The following CAPZB variants were observed in gnomAD, a reference collection of about 807,000 sequenced individuals.
CAPZB encodes the protein F-actin-capping protein subunit beta.
Under a neutral mutation model 38.1 loss-of-function variants are expected in CAPZB, and 2 were observed. That is an observed-to-expected ratio of 0.05 (90% CI 0.02 to 0.17). The LOEUF is 0.17. CAPZB is among the 10% of genes least tolerant of loss of function. The pLI, the probability that CAPZB is intolerant of heterozygous loss-of-function variation, is 1.00. For synonymous variants in CAPZB, 107 were observed against 127.4 expected, an observed-to-expected ratio of 0.84 and a Z score of 1.08; for missense variants, 161 against 334.2, an observed-to-expected ratio of 0.48 and a Z score of 4.04.
intron 1 of CAPZB, among the ~76,000 whole-genome samples, chr1:19,421,687 TAG>T (rs1161580584): frequency 6.6e-6 from 1 of 152,244 alleles, no homozygotes; most frequent in African/African-American, 2.4e-5. Context: ...GATTCGACTC[TAG>T]AGAGACATAT....
At chr1:19,386,495 C>T (rs908179863) in intron 2 of CAPZB, among the ~76,000 whole-genome samples, 4 of 152,210 alleles carry the variant, frequency 2.6e-5, no homozygotes, top group South Asian at 2.1e-4. Flanking sequence ...TCCACCATAT[C>T]GTTTACCAGG....
At chr1:19,405,109 G>C (rs992238161) in intron 2 of CAPZB, among the ~76,000 whole-genome samples, 4 of 152,202 alleles carry the variant, frequency 2.6e-5, no homozygotes, top group African/African-American at 9.6e-5. Flanking sequence ...TCAGCTCCAA[G>C]AGGCATCCGT....
intron 4 of CAPZB, among the ~76,000 whole-genome samples, chr1:19,374,016 T>C (rs534400944): frequency 6.3e-4 from 96 of 152,270 alleles, no homozygotes; most frequent in African/African-American, 2.2e-3. Flanking sequence ...AATGGGTTAA[T>C]GGGTGGGGGG....
chr1:19,459,022 GTT>G (rs2094542092), intron 1 of CAPZB, among the ~76,000 whole-genome samples: 2 of 152,230 alleles, frequency 1.3e-5, no homozygotes, highest in African/African-American at 4.8e-5. Context: ...GCAGGAGACC[GTT>G]GGCAGGAAGG....
chr1:19,410,508 A>G (rs1419598379), intron 2 of CAPZB, among the ~76,000 whole-genome samples: 3 of 152,214 alleles, frequency 2.0e-5, no homozygotes, highest in Non-Finnish European at 2.9e-5. Flanking sequence ...GGGGGGCTGC[A>G]ATAGGAAGCT....
chr1:19,439,196 A>G (rs2094467856), intron 1 of CAPZB, among the ~76,000 whole-genome samples: 1 of 152,118 alleles, frequency 6.6e-6, no homozygotes, highest in Non-Finnish European at 1.5e-5. Context: ...GTTATCCCCA[A>G]AACTCCCATC....
intron 3 of CAPZB, 28 bp downstream of exon 3, chr1:19,385,477 C>A: frequency 6.2e-7 from 1 of 1,611,516 alleles, no homozygotes; most frequent in Non-Finnish European, 8.5e-7. Context: ...CCTGCTGTGC[C>A]TGCTGCATCC....
chr1:19,343,558 G>A (rs1558167542), intron 8 of CAPZB, among the ~76,000 whole-genome samples: 1 of 152,232 alleles, frequency 6.6e-6, no homozygotes, highest in African/African-American at 2.4e-5. Flanking sequence ...TGCGAGGAGT[G>A]CCAGAGGCCA....
At position 19,481,364 on chromosome 1, in the gene CAPZB, T is replaced by C. The variant is rs1272510461; in HGVS notation, c.3+4072A>G. 3.3e-5 allele frequency among the ~76,000 whole-genome samples: 5 copies of C among 152,224 alleles called. No homozygotes were observed. In the South Asian group the frequency reaches 6.2e-4, roughly 19 times the overall value. ...CTGGTGGATCTGCTGCAAGGGGAAA[T>C]GGGACAAGATCCTGTATTTACGGGG... On this transcript the variant is annotated intron_variant, in intron 1 of 8. Coordinates refer to ENST00000264202, the MANE Select transcript of CAPZB (RefSeq NM_004930.5).
chr1:19,429,114 A>G (rs2094433870), intron 1 of CAPZB, among the ~76,000 whole-genome samples: 2 of 152,202 alleles, frequency 1.3e-5, no homozygotes. Flanking sequence ...TCATTAGCCT[A>G]AGGACAGTGT....
intron 1 of CAPZB, among the ~76,000 whole-genome samples, chr1:19,444,322 C>T (rs1304327783): frequency 6.6e-6 from 1 of 152,200 alleles, no homozygotes; most frequent in East Asian, 1.9e-4. Context: ...ACCCCCCAGC[C>T]CTGAGGTCTC....
At chr1:19,400,257 T>C (rs1439824155) in intron 2 of CAPZB, among the ~76,000 whole-genome samples, 1 of 152,042 alleles carries the variant, frequency 6.6e-6, no homozygotes, top group Non-Finnish European at 1.5e-5. Context: ...TTCATGAATC[T>C]GGCATGTGGT....
chr1:19,447,872 T>C (rs979890349), intron 1 of CAPZB, among the ~76,000 whole-genome samples: 15 of 152,216 alleles, frequency 9.9e-5, no homozygotes, highest in African/African-American at 3.6e-4. Flanking sequence ...CTAACAGTAG[T>C]GAAAGCGTAG....
Position 19,356,816 on chromosome 1 carries a change from G to T in CAPZB, c.472-65C>A. The T allele has an allele frequency of 9.8e-7, 1 of 1,016,982 alleles. No homozygotes were observed. The highest frequency in any genetic ancestry group is 1.9e-5 in the Admixed American group (1 of 53,914). The allele number at this position is 1,016,982 out of a possible 1,614,324, so 63.0% of individuals were successfully genotyped here. ...GCCTGAAGTGGCCCCTGGAATTCAG[G>T]GTCATCCTAACATCTCCCTTCCTAG... On this transcript the variant is annotated intron_variant, in intron 5 of 8. Transcript: ENST00000264202. The surrounding 1 kb of genome is among the most constrained non-coding windows in gnomAD (Gnocchi z 4.3).
intron 3 of CAPZB, among the ~76,000 whole-genome samples, chr1:19,379,112 T>G (rs11589037): frequency 1.2e-4 from 18 of 147,460 alleles, no homozygotes; most frequent in African/African-American, 4.2e-4. Context: ...TTTTTTTTTT[T>G]TTTTAAGACA....
intron 2 of CAPZB, among the ~76,000 whole-genome samples, chr1:19,398,958 G>A (rs1176064468): frequency 2.0e-5 from 3 of 151,168 alleles, no homozygotes; most frequent in Admixed American, 6.6e-5. Context: ...CCAGGTTCAA[G>A]CAAGTCTCCT....
At chr1:19,449,783 CAAAA>C (rs66655807) in intron 1 of CAPZB, among the ~76,000 whole-genome samples, 1 of 87,894 alleles carries the variant, frequency 1.1e-5, no homozygotes. Context: ...GAGTCTGTCT[CAAAA>C]AAAAAAAAAA....
intron 1 of CAPZB, among the ~76,000 whole-genome samples, chr1:19,474,162 A>C (rs2094599223): frequency 6.6e-6 from 1 of 151,892 alleles, no homozygotes; most frequent in African/African-American, 2.4e-5. Context: ...CATTTGGCTA[A>C]TTTTTGTATT....
intron 6 of CAPZB, among the ~76,000 whole-genome samples, chr1:19,351,364 A>G (rs940711770): frequency 6.6e-6 from 1 of 151,890 alleles, no homozygotes; most frequent in Non-Finnish European, 1.5e-5. Flanking sequence ...CTGGAATGCA[A>G]TGGTGCAATC....
Sources: allele counts gnomAD v4.1 joint callset (sites outside exome capture counted in the v4.1 genomes callset), GRCh38; gene constraint gnomAD v4.1.1; non-coding constraint Gnocchi (gnomAD v3.1); transcripts MANE v1.5; gene names NCBI Gene and HGNC (gene_info 2026-07-23, HGNC 2026-07-21).